FBN3: variants seen among roughly 807,000 people sequenced by gnomAD.
FBN3 encodes fibrillin 3, also known as fibrillin-3.
A neutral mutation model predicts 330.1 loss-of-function variants in FBN3; 234 were observed. That is an observed-to-expected ratio of 0.71 (90% CI 0.64 to 0.79). The LOEUF is 0.79. FBN3 is among the 30% of genes least tolerant of loss of function. The pLI is 0.00. For synonymous variants in FBN3, 1,458 were observed against 1,517.3 expected, an observed-to-expected ratio of 0.96 and a Z score of 0.91; for missense variants, 3,606 against 3,886.9, an observed-to-expected ratio of 0.93 and a Z score of 1.92.
At chr19:8,088,770 A>T (rs1448683094) in intron 51 of FBN3, among the ~76,000 whole-genome samples, 3 of 152,216 alleles carry the variant, frequency 2.0e-5, no homozygotes, top group African/African-American at 7.2e-5. Context: ...TGAGTGATTG[A>T]ATGGGTGAAT....
At chr19:8,095,721 C>T (rs913827784) in intron 45 of FBN3, among the ~76,000 whole-genome samples, 1 of 152,062 alleles carries the variant, frequency 6.6e-6, no homozygotes. Context: ...CCTCTAAGTG[C>T]CCCCTTAGCT....
chr19:8,142,229 C>T, intron 6 of FBN3, 92 bp from the exon 7 acceptor site: 1 of 1,002,108 alleles, frequency 1.0e-6, no homozygotes, highest in Non-Finnish European at 1.5e-6. Flanking sequence ...GCCCCTGCAC[C>T]CACAGACCAG....
At chr19:8,108,436 T>A (rs962946510) in intron 36 of FBN3, among the ~76,000 whole-genome samples, 198 bp from the exon 37 acceptor site, 3 of 152,096 alleles carry the variant, frequency 2.0e-5, no homozygotes, top group African/African-American at 7.2e-5. Context: ...TGCGTGTGTG[T>A]GTGCATGTGC....
At chr19:8,094,688 G>A in intron 46 of FBN3, 123 bp from the exon 47 acceptor site, 1 of 1,074,434 alleles carries the variant, frequency 9.3e-7, no homozygotes, top group Non-Finnish European at 1.3e-6. Flanking sequence ...CCCTCCCAGT[G>A]GCAATTCTGG....
At chr19:8,067,638 A>T (rs146724031) in intron 63 of FBN3, among the ~76,000 whole-genome samples, 1 of 152,012 alleles carries the variant, frequency 6.6e-6, no homozygotes, top group Non-Finnish European at 1.5e-5. Context: ...AAAAATATAT[A>T]TATGTTTATT....
At chr19:8,081,215 G>C in intron 58 of FBN3, 96 bp from the exon 59 acceptor site, 1 of 1,488,708 alleles carries the variant, frequency 6.7e-7, no homozygotes, top group Non-Finnish European at 9.3e-7. Context: ...GCAGAGGGGT[G>C]ACAAGAGAAA....
Position 8,131,490 on chromosome 19 carries a change from A to C in FBN3, c.1990+64T>G. ...ATGGCAGCCATGACCCCCCACCAGA[A>C]GCGAGAACCGATGGAGGCATTCAGA... On this transcript the variant is annotated intron_variant, in intron 15 of 63. Coordinates refer to ENST00000600128, the MANE Select transcript of FBN3 (RefSeq NM_032447.5). The surrounding 1 kb of genome is among the most constrained non-coding windows in gnomAD (Gnocchi z 4.5). 2 of 1,547,846 alleles carry C rather than the reference A, an allele frequency of 1.3e-6. No individual in the cohort carries two copies. Among genetic ancestry groups the C allele is most frequent in the Non-Finnish European group, 1.8e-6 (2 of 1,141,104 alleles).
At chr19:8,087,528 G>A (rs904100499) in intron 53 of FBN3, among the ~76,000 whole-genome samples, 2 of 151,392 alleles carry the variant, frequency 1.3e-5, no homozygotes, top group Non-Finnish European at 2.9e-5. Flanking sequence ...GGTCTCCCAC[G>A]CTTGACACTA....
At chr19:8,084,596 TA>T (rs1204083991) in intron 56 of FBN3, among the ~76,000 whole-genome samples, 2 of 151,918 alleles carry the variant, frequency 1.3e-5, no homozygotes, top group East Asian at 1.9e-4. Context: ...TTTATTTATT[TA>T]TTTTTTTGGG....
intron 40 of FBN3, 77 bp from the exon 41 acceptor site, chr19:8,101,049 T>A: frequency 8.2e-7 from 1 of 1,226,556 alleles, no homozygotes; most frequent in Non-Finnish European, 1.2e-6. Flanking sequence ...AGGGGACACC[T>A]CATCCCTGGA....
chr19:8,103,452 CAT>C (rs2082371367), intron 39 of FBN3, 108 bp downstream of exon 39: 41 of 1,149,306 alleles, frequency 3.6e-5, no homozygotes, highest in Non-Finnish European at 5.0e-5. Context: ...GTCAGCACTT[CAT>C]ATATGCTTAC....
Position 8,097,397 on chromosome 19 carries a change from C to A in FBN3, c.5179G>T (p.Glu1727Ter). The part of the protein sequence containing the change: ...GKPLDIDECG[E>*]IPAICANGIC... ...CCATTGGCACAGATGGCGGGGATCTCCCCACACTCATCAATGTCTGCAGAA... is the reference window on the plus strand; with the variant it reads ...CCATTGGCACAGATGGCGGGGATCTACCCACACTCATCAATGTCTGCAGAA... Residue 1727 changes from glutamate to a stop codon, truncating the protein, a stop_gained, in exon 42 of 64, where the codon GAG becomes TAG. Coordinates refer to ENST00000600128, the MANE Select transcript of FBN3 (RefSeq NM_032447.5). LOFTEE classifies it high-confidence loss of function. 1 of 1,597,514 alleles carries A rather than the reference C, an allele frequency of 6.3e-7. No homozygotes were observed. The highest frequency in any genetic ancestry group is 8.6e-7 in the Non-Finnish European group (1 of 1,166,346).
At chr19:8,146,640 AG>A (rs2083553375) in intron 3 of FBN3, among the ~76,000 whole-genome samples, 1 of 151,986 alleles carries the variant, frequency 6.6e-6, no homozygotes, top group South Asian at 2.1e-4. Flanking sequence ...AGAAACAGAG[AG>A]AGAGAGAATC....
At chr19:8,086,896 C>A (rs1267089966) in intron 54 of FBN3, among the ~76,000 whole-genome samples, 181 bp downstream of exon 54, 1 of 152,054 alleles carries the variant, frequency 6.6e-6, no homozygotes, top group Non-Finnish European at 1.5e-5. Flanking sequence ...TCCCCCCCCA[C>A]TGCCTGTCCC....
intron 13 of FBN3, among the ~76,000 whole-genome samples, chr19:8,135,081 T>C (rs948349000): frequency 1.3e-5 from 2 of 150,866 alleles, no homozygotes; most frequent in African/African-American, 4.9e-5. Flanking sequence ...TGGGCTCAAG[T>C]GATCCTCCTG....
intron 13 of FBN3, 25 bp downstream of exon 13, chr19:8,135,936 G>GTGC: frequency 1.3e-5 from 9 of 668,760 alleles, no homozygotes; most frequent in South Asian, 3.2e-5. Flanking sequence ...GGAAGCCCCT[G>GTGC]CCCACCCGCC....
At chr19:8,084,518 G>A (rs1321293961) in intron 56 of FBN3, among the ~76,000 whole-genome samples, 1 of 151,994 alleles carries the variant, frequency 6.6e-6, no homozygotes, top group Non-Finnish European at 1.5e-5. Flanking sequence ...CTGGCCATGG[G>A]AGAGCCAGCC....
intron 19 of FBN3, 25 bp downstream of exon 19, chr19:8,126,688 G>T (rs945299015): frequency 6.3e-7 from 1 of 1,582,126 alleles, no homozygotes; most frequent in Non-Finnish European, 8.6e-7. Flanking sequence ...CCTCTGGAAC[G>T]CCGTCGGGCT....
chr19:8,125,934 G>A lies in FBN3; in HGVS notation c.2689C>T (p.Pro897Ser). The part of the protein sequence containing the change: ...NTAGSFRCEC[P>S]EGLMLDASGR... ...GAGGCGTCCAGCATCAGGCCCTCTG[G>A]ACACTCACAGCGGAAAGACCCAGCA... Residue 897 changes from proline (P) to serine (S), a missense_variant, in exon 22 of 64, where the codon CCA (proline) becomes TCA (serine). Physicochemically the swap from Pro to Ser is moderately conservative, Grantham distance 74. Coordinates refer to ENST00000600128, the MANE Select transcript of FBN3 (RefSeq NM_032447.5). 1 of 1,613,800 alleles carries A rather than the reference G, an allele frequency of 6.2e-7. No individual in the cohort carries two copies. The highest frequency in any genetic ancestry group is 8.5e-7 in the Non-Finnish European group (1 of 1,180,016).
Sources: gnomAD v4.1 joint callset for allele counts (sites outside exome capture counted in the v4.1 genomes callset) on GRCh38, gnomAD v4.1.1 for gene constraint, Gnocchi (gnomAD v3.1) non-coding constraint, MANE v1.5 for transcripts, NCBI Gene and HGNC (gene_info 2026-07-23, HGNC 2026-07-21) for gene names.